Variants in NINJ2 observed in about 807,000 individuals in gnomAD.
NINJ2 encodes ninjurin 2.
NINJ2 carries 12 observed loss-of-function variants against 11.7 expected under a neutral mutation model. The ratio of observed to expected loss-of-function variants is 1.02; its 90% CI spans 0.66 to 1.66. The LOEUF is 1.66. NINJ2 is among the 40% of genes most tolerant of loss of function. The probability of loss-of-function intolerance (pLI) is 0.00; values close to 1 mark genes in which losing one functional copy is unlikely to be tolerated. For synonymous variants in NINJ2, 93 were observed against 76.8 expected (o/e 1.21, Z -1.10); for missense variants, 187 against 181.8 (o/e 1.03, Z -0.16).
intron 1 of NINJ2, among the ~76,000 whole-genome samples, chr12:570,061 G>T (rs1947356404): frequency 3.3e-5 from 5 of 152,182 alleles, no homozygotes; most frequent in Admixed American, 2.6e-4. Flanking sequence ...CGGGAGCCTC[G>T]CCCGCAAGTC....
chr12:635,387 T>C (rs1565643728), intron 1 of NINJ2, among the ~76,000 whole-genome samples: 1 of 152,092 alleles, frequency 6.6e-6, no homozygotes, highest in Non-Finnish European at 1.5e-5. Context: ...AGCAGACATA[T>C]AGACCAGTGG....
intron 2 of NINJ2, chr12:565,731 G>A (rs1393654801): frequency 1.6e-6 from 1 of 638,352 alleles, no homozygotes; most frequent in Non-Finnish European, 2.8e-6. Flanking sequence ...GTACTGCGGA[G>A]GGTCTGCTCC....
intron 1 of NINJ2, among the ~76,000 whole-genome samples, chr12:584,112 AT>A (rs1374383449): frequency 6.6e-6 from 1 of 152,166 alleles, no homozygotes; most frequent in Non-Finnish European, 1.5e-5. Flanking sequence ...GTACTTAAGT[AT>A]TTGTCCTGAC....
At chr12:643,322 C>G (rs932262941) in intron 1 of NINJ2, 1 of 585,770 alleles carries the variant, frequency 1.7e-6, no homozygotes, top group Non-Finnish European at 2.2e-6. Flanking sequence ...GCCTCGCAGC[C>G]TCGCAGCCCC....
chr12:638,342 G>A (rs1238331210), intron 1 of NINJ2, among the ~76,000 whole-genome samples: 2 of 152,218 alleles, frequency 1.3e-5, no homozygotes, highest in Non-Finnish European at 2.9e-5. Context: ...ATATGCATAC[G>A]TTGTGTTGTT....
chr12:617,287 G>A (rs772519965), intron 1 of NINJ2, among the ~76,000 whole-genome samples: 12 of 152,264 alleles, frequency 7.9e-5, no homozygotes, highest in Middle Eastern at 6.8e-3. Context: ...CCTGGGATGC[G>A]CTAAGAGGAC....
At chr12:595,339 A>C (rs1263013077) in intron 1 of NINJ2, among the ~76,000 whole-genome samples, 1 of 152,234 alleles carries the variant, frequency 6.6e-6, no homozygotes, top group Non-Finnish European at 1.5e-5. Context: ...TAACAATATG[A>C]CTTTTTATAT....
At chr12:572,580 G>C (rs1388547019) in intron 1 of NINJ2, among the ~76,000 whole-genome samples, 1 of 152,208 alleles carries the variant, frequency 6.6e-6, no homozygotes, top group East Asian at 1.9e-4. Context: ...AAGGGTGCCT[G>C]GGCCTGTCAC....
At chr12:573,187 A>G (rs932677407) in intron 1 of NINJ2, among the ~76,000 whole-genome samples, 3 of 151,414 alleles carry the variant, frequency 2.0e-5, no homozygotes, top group Non-Finnish European at 4.4e-5. Flanking sequence ...CACCACACCC[A>G]GCTAATTTTT....
intron 1 of NINJ2, among the ~76,000 whole-genome samples, chr12:629,371 T>C (rs1948243291): frequency 6.6e-6 from 1 of 152,292 alleles, no homozygotes; most frequent in South Asian, 2.1e-4. Flanking sequence ...CTGTTCTCCA[T>C]TGGCCACTGC....
At chr12:632,433 G>A (rs942029252) in intron 1 of NINJ2, 3 of 152,220 alleles carry the variant, frequency 2.0e-5, no homozygotes, top group African/African-American at 7.2e-5. Context: ...TCAGCCTAAC[G>A]GCTCCATTCA....
At chr12:602,913 G>A (rs572249966) in intron 1 of NINJ2, among the ~76,000 whole-genome samples, 4 of 151,974 alleles carry the variant, frequency 2.6e-5, no homozygotes, top group African/African-American at 9.7e-5. Flanking sequence ...GCTAACTGAA[G>A]CCTGGACCTC....
rs140815745 is a variant in NINJ2 at position 589,336 on chromosome 12, C to A, written c.34-23158G>T. On this transcript the variant is annotated intron_variant, in intron 1 of 3. Transcript: ENST00000305108. Reference sequence around the variant, plus strand: ...TATCTAAAATGTATTTAGTGGGGAGCAAGTCAGTAAGAACATGATATGATT... The same window carrying A: ...TATCTAAAATGTATTTAGTGGGGAGAAAGTCAGTAAGAACATGATATGATT... 5.8e-3 allele frequency among the ~76,000 whole-genome samples: 878 copies of A among 152,234 alleles called. 19 individuals carry two copies. Among genetic ancestry groups the A allele is most frequent in the African/African-American group, 0.02 (825 of 41,522 alleles).
In NINJ2 at chr12:564,367, G is replaced by C. The variant is rs2120765568; in HGVS notation, c.*333C>G. 6.6e-6 allele frequency: 1 copy of C among 152,360 alleles called. No individual in the cohort carries two copies. The highest frequency in any genetic ancestry group is 2.4e-5 in the African/African-American group (1 of 41,566). The allele number at this position is 152,360 out of a possible 1,614,324, so 9.4% of individuals were successfully genotyped here. A position where few individuals can be genotyped will look rare whatever the true frequency, so the allele number is the denominator to read the frequency against. On this transcript the variant is annotated 3_prime_UTR_variant, in exon 4 of 4. Transcript: ENST00000305108. Reference sequence around the variant, plus strand: ...GGGAAAATTGAGGCCTGGAGCAGAAGGAAGCAGTGGGGTAGAGTCAGAACC... The same window carrying C: ...GGGAAAATTGAGGCCTGGAGCAGAACGAAGCAGTGGGGTAGAGTCAGAACC...
At chr12:570,147 G>C (rs969369701) in intron 1 of NINJ2, among the ~76,000 whole-genome samples, 1 of 152,236 alleles carries the variant, frequency 6.6e-6, no homozygotes, top group Non-Finnish European at 1.5e-5. Flanking sequence ...CTGAAATGGA[G>C]CCAGCGTGGG....
intron 1 of NINJ2, among the ~76,000 whole-genome samples, chr12:638,977 G>C (rs892042536): frequency 6.6e-6 from 1 of 152,082 alleles, no homozygotes; most frequent in Non-Finnish European, 1.5e-5. Flanking sequence ...AAAATAATAA[G>C]GTGGATCTAT....
chr12:610,397 T>C, intron 1 of NINJ2: 1 of 1,535,564 alleles, frequency 6.5e-7, no homozygotes, highest in East Asian at 2.4e-5. Flanking sequence ...TGAAGCCTCT[T>C]GCCCCACCAA....
intron 1 of NINJ2, chr12:610,533 C>A: frequency 6.7e-7 from 1 of 1,481,902 alleles, no homozygotes; most frequent in Non-Finnish European, 8.9e-7. Context: ...CAGGGCCCTG[C>A]ATGCAGCAGA....
intron 1 of NINJ2, among the ~76,000 whole-genome samples, chr12:659,445 G>C (rs372313504): frequency 1.3e-3 from 202 of 152,270 alleles, no homozygotes; most frequent in African/African-American, 4.8e-3. Context: ...ACACTGGCTC[G>C]AAGGGGAAGA....
Sources: gnomAD v4.1 joint callset for allele counts (sites outside exome capture counted in the v4.1 genomes callset) on GRCh38, gnomAD v4.1.1 for gene constraint, MANE v1.5 for transcripts, NCBI Gene and HGNC (gene_info 2026-07-23, HGNC 2026-07-21) for gene names.